GPAT3: variants seen among roughly 807,000 people sequenced by gnomAD.
GPAT3 encodes the protein 1-AGP acyltransferase 9.
In GPAT3, 53 loss-of-function variants were observed where a neutral mutation model predicts 58.8. That is an observed-to-expected ratio of 0.90 (90% confidence interval 0.72 to 1.13). The LOEUF is 1.13. Among genes scored for constraint, GPAT3 ranks in the 50% most tolerant of loss-of-function variants. The pLI, the probability that GPAT3 is intolerant of heterozygous loss-of-function variation, is 0.00. For synonymous variants in GPAT3, 197 were observed against 187.4 expected, an observed-to-expected ratio of 1.05 and a Z score of -0.42; for missense variants, 511 against 527.6, an observed-to-expected ratio of 0.97 and a Z score of 0.31.
intron 2 of GPAT3, among the ~76,000 whole-genome samples, chr4:83,551,459 G>T (rs1438804586): frequency 6.6e-6 from 1 of 150,870 alleles, no homozygotes; most frequent in Non-Finnish European, 1.5e-5. Context: ...GCAAGAGGTG[G>T]TGAGGAGGGG....
chr4:83,571,704 A>G (rs891737536), intron 2 of GPAT3, among the ~76,000 whole-genome samples: 2 of 102,460 alleles, frequency 2.0e-5, no homozygotes, highest in Non-Finnish European at 2.5e-5. Flanking sequence ...ATATACACAC[A>G]CACATATATA....
At chr4:83,596,478 A>C (rs554876453) in intron 7 of GPAT3, among the ~76,000 whole-genome samples, 20 of 151,970 alleles carry the variant, frequency 1.3e-4, no homozygotes, top group African/African-American at 4.8e-4. Flanking sequence ...AAAACTTAGC[A>C]GGGTGTAGTG....
intron 2 of GPAT3, among the ~76,000 whole-genome samples, chr4:83,553,711 C>T (rs1189836502): frequency 6.6e-6 from 1 of 151,876 alleles, no homozygotes; most frequent in Non-Finnish European, 1.5e-5. Context: ...CCAGCCTGGG[C>T]AACATGGTGA....
At chr4:83,557,585 G>A (rs1217791723) in intron 2 of GPAT3, among the ~76,000 whole-genome samples, 1 of 152,126 alleles carries the variant, frequency 6.6e-6, no homozygotes, top group East Asian at 1.9e-4. Flanking sequence ...ACATTTATAT[G>A]CAGCCCACAG....
chr4:83,582,598 G>A (rs111560949), intron 3 of GPAT3, among the ~76,000 whole-genome samples: 102 of 152,276 alleles, frequency 6.7e-4, no homozygotes, highest in African/African-American at 2.4e-3. Flanking sequence ...CATGGCCTTG[G>A]CATCCTCTCA....
chr4:83,575,649 C>T (rs1220222883), intron 2 of GPAT3, among the ~76,000 whole-genome samples: 8 of 152,078 alleles, frequency 5.3e-5, no homozygotes, highest in African/African-American at 1.2e-4. Flanking sequence ...CTCCTGACCT[C>T]GTGATCCACC....
chr4:83,590,617 C>A (rs759363021), intron 6 of GPAT3, among the ~76,000 whole-genome samples: 1 of 152,204 alleles, frequency 6.6e-6, no homozygotes, highest in Non-Finnish European at 1.5e-5. Flanking sequence ...ACATTAAATT[C>A]TTTCTTTTTA....
At chr4:83,560,433 T>G (rs181866813) in intron 2 of GPAT3, among the ~76,000 whole-genome samples, 2 of 152,276 alleles carry the variant, frequency 1.3e-5, no homozygotes, top group African/African-American at 4.8e-5. Flanking sequence ...TTTTTTGTAT[T>G]TTTTTGTATT....
At chr4:83,604,324 G>A (rs1022711075) in intron 11 of GPAT3, among the ~76,000 whole-genome samples, 1 of 152,142 alleles carries the variant, frequency 6.6e-6, no homozygotes, top group Non-Finnish European at 1.5e-5. Context: ...ACCCACCTTG[G>A]CCTCCCAAAG....
intron 2 of GPAT3, among the ~76,000 whole-genome samples, chr4:83,562,178 ATTAT>A (rs1360076281): frequency 2.8e-4 from 15 of 53,016 alleles, no homozygotes; most frequent in African/African-American, 1.6e-3. Context: ...TATTTTATAT[ATTAT>A]ATATATATAT....
intron 6 of GPAT3, among the ~76,000 whole-genome samples, chr4:83,594,417 C>T (rs916428350): frequency 1.3e-5 from 2 of 152,044 alleles, no homozygotes; most frequent in South Asian, 4.1e-4. Flanking sequence ...GTAGATGTTG[C>T]CAAATTTCTT....
chr4:83,599,003 G>A (rs1479742998), intron 11 of GPAT3, among the ~76,000 whole-genome samples: 3 of 151,492 alleles, frequency 2.0e-5, no homozygotes, highest in African/African-American at 7.3e-5. Flanking sequence ...TGCTGAGGCT[G>A]GTCTCAAACT....
chr4:83,603,636 C>A (rs903778690), intron 11 of GPAT3, among the ~76,000 whole-genome samples: 2 of 151,786 alleles, frequency 1.3e-5, no homozygotes, highest in Admixed American at 1.3e-4. Flanking sequence ...ATTAAAAATA[C>A]AAAATTAGCC....
Position 83,604,652 on chromosome 4 carries a change from G to T in GPAT3, c.1206-16G>T. 6.3e-7 allele frequency: 1 copy of T among 1,599,016 alleles called. No homozygotes were observed. Among genetic ancestry groups the T allele is most frequent in the Middle Eastern group, 1.7e-4 (1 of 6,012 alleles). On this transcript the variant is annotated splice_polypyrimidine_tract_variant and intron_variant, in intron 11 of 11. Transcript: ENST00000264409. ...GCTGTAAAGTATCTTTTATGTATTTGTCTTTCTGTTTGCAGGGATGGAGGA... is the reference window on the plus strand; with the variant it reads ...GCTGTAAAGTATCTTTTATGTATTTTTCTTTCTGTTTGCAGGGATGGAGGA...
Position 83,604,729 on chromosome 4 carries a change from TA to T in GPAT3, c.1268del (p.Tyr423SerfsTer4), listed in dbSNP as rs775451110. 96 of 1,613,904 alleles carry T rather than the reference TA, an allele frequency of 5.9e-5. No homozygotes were observed. The highest frequency in any genetic ancestry group is 3.6e-5 in the Non-Finnish European group (42 of 1,179,966). On this transcript the variant is annotated frameshift_variant, in exon 12 of 12. Transcript: ENST00000264409. LOFTEE classifies it high-confidence loss of function. ...CTTTAAGGAAGAGCAGCAGAAAAAT[TA>T]CAGCAAGATGATTGTGGGCAATGGA... ...DIFKEEQQKN[Y>X]SKMIVGNGSL...
rs1432374328 is a variant in GPAT3 at position 83,597,613 on chromosome 4, G to A, written c.996+98G>A. 1.3e-5 allele frequency: 11 copies of A among 865,700 alleles called. No individual in the cohort carries two copies. The East Asian group carries it at 2.4e-4, about 19-fold the overall frequency. 53.6% of individuals were successfully genotyped at this position (865,700 alleles called of 1,614,324 possible). A position where few individuals can be genotyped will look rare whatever the true frequency, so the allele number is the denominator to read the frequency against. On this transcript the variant is annotated intron_variant, in intron 9 of 11. Transcript: ENST00000264409. ...TTTCAAACTTAAAATTTGCAAGAAC[G>A]AGGAACACCAGTTTTCGGATGCACC...
intron 2 of GPAT3, among the ~76,000 whole-genome samples, chr4:83,561,527 C>T (rs1725125690): frequency 6.6e-6 from 1 of 151,948 alleles, no homozygotes; most frequent in Admixed American, 6.6e-5. Context: ...ACTCATTGTC[C>T]AAATCAATGA....
Position 83,588,970 on chromosome 4 carries a change from T to C in GPAT3, c.644+671T>C, listed in dbSNP as rs565761137. Among the ~76,000 whole-genome samples, 6 of 152,370 alleles carry C rather than the reference T, an allele frequency of 3.9e-5. No homozygotes were observed. The East Asian group carries it at 1.2e-3, about 29-fold the overall frequency. On this transcript the variant is annotated intron_variant, in intron 5 of 11. Transcript: ENST00000264409. ...CATTTTAAAAGTTCTAGGCCAAGCTTCTCTTTTTTACTGATTTGGTCTTTC... is the reference window on the plus strand; with the variant it reads ...CATTTTAAAAGTTCTAGGCCAAGCTCCTCTTTTTTACTGATTTGGTCTTTC...
At chr4:83,561,986 C>T (rs535661129) in intron 2 of GPAT3, among the ~76,000 whole-genome samples, 23 of 150,534 alleles carry the variant, frequency 1.5e-4, no homozygotes, top group African/African-American at 4.4e-4. Flanking sequence ...TTTAAGACAA[C>T]GCCTTATGTG....
Sources: allele counts gnomAD v4.1 joint callset (sites outside exome capture counted in the v4.1 genomes callset), GRCh38; gene constraint gnomAD v4.1.1; transcripts MANE v1.5; gene names NCBI Gene and HGNC (gene_info 2026-07-23, HGNC 2026-07-21).